The following COL22A1 variants were observed in gnomAD, a reference collection of about 807,000 sequenced individuals.
The protein encoded by COL22A1 is collagen alpha-1(XXII) chain.
COL22A1 carries 221 observed loss-of-function variants against 248.9 expected under a neutral mutation model. That is an observed-to-expected ratio of 0.89 (90% CI 0.80 to 0.99). The LOEUF (loss-of-function observed/expected upper bound fraction) is 0.99, where lower values mean the gene tolerates loss of function less well. Among genes scored for constraint, COL22A1 ranks in the 50% least tolerant of loss-of-function variants. COL22A1 has a pLI of 0.00. For missense variants in COL22A1, 2,240 were observed against 2,179.0 expected, an observed-to-expected ratio of 1.03 and a Z score of -0.56; for synonymous variants, 891 against 793.4, an observed-to-expected ratio of 1.12 and a Z score of -2.07.
chr8:138,664,944 T>C (rs778190107), intron 41 of COL22A1, among the ~76,000 whole-genome samples: 2 of 152,000 alleles, frequency 1.3e-5, no homozygotes, highest in Non-Finnish European at 2.9e-5. Flanking sequence ...CTGCCCTCAG[T>C]CCAGTGCGCT....
At chr8:138,891,423 C>A (rs548129827) in intron 1 of COL22A1, among the ~76,000 whole-genome samples, 1 of 152,184 alleles carries the variant, frequency 6.6e-6, no homozygotes, top group Non-Finnish European at 1.5e-5. Flanking sequence ...ATCTGAAGGG[C>A]GCCAAAGCCC....
At chr8:138,661,631 A>C (rs1251646898) in intron 43 of COL22A1, among the ~76,000 whole-genome samples, 1 of 152,196 alleles carries the variant, frequency 6.6e-6, no homozygotes, top group Non-Finnish European at 1.5e-5. Flanking sequence ...AATGAGCATG[A>C]CATACATCTG....
chr8:138,656,657 AGGAAAAT>A (rs1322587813), intron 44 of COL22A1, among the ~76,000 whole-genome samples: 24 of 152,322 alleles, frequency 1.6e-4, no homozygotes, highest in African/African-American at 5.8e-4. Context: ...AAGGCTAGGA[AGGAAAAT>A]GGAAATTAAA....
At chr8:138,761,869 C>T (rs538646993) in intron 17 of COL22A1, among the ~76,000 whole-genome samples, 6 of 152,192 alleles carry the variant, frequency 3.9e-5, no homozygotes, top group Admixed American at 1.3e-4. Context: ...CTTCTTCTAG[C>T]GACGGTCTTT....
Position 138,589,248 on chromosome 8 carries a change from G to A in COL22A1, c.*5C>T, listed in dbSNP as rs1475475706. ...CACTGCAGTCTTCTGGCTTTCCAGA[G>A]TCCTTTAGGGACCCTTCACATTACC... On this transcript the variant is annotated 3_prime_UTR_variant, in exon 65 of 65. Coordinates refer to ENST00000303045, the MANE Select transcript of COL22A1 (RefSeq NM_152888.3). 3 of 1,612,710 alleles carry A rather than the reference G, an allele frequency of 1.9e-6. No homozygotes were observed. The highest frequency in any genetic ancestry group is 3.3e-4 in the Middle Eastern group (2 of 6,054).
chr8:138,646,501 AC>A, intron 47 of COL22A1, 127 bp downstream of exon 47: 1 of 642,912 alleles, frequency 1.6e-6, no homozygotes, highest in Non-Finnish European at 2.5e-6. Context: ...CCATGCTTAG[AC>A]CCAGAACAGG....
intron 41 of COL22A1, among the ~76,000 whole-genome samples, chr8:138,666,346 G>T (rs1203304305): frequency 6.6e-6 from 1 of 152,198 alleles, no homozygotes; most frequent in African/African-American, 2.4e-5. Flanking sequence ...TATGCCAGGA[G>T]TGGTCCTATC....
In COL22A1 at chr8:138,749,580, C is replaced by T. The variant is rs141853629; in HGVS notation, c.2085+1878G>A. On this transcript the variant is annotated intron_variant, in intron 22 of 64. Coordinates refer to ENST00000303045, the MANE Select transcript of COL22A1 (RefSeq NM_152888.3). ...AGCCATGTCAGCTGTCACATCATGC[C>T]GCCCAACCAGGGCCAAGTCCCTTGC... Among the ~76,000 whole-genome samples the T allele has an allele frequency of 4.3e-3, 655 of 152,316 alleles. 4 individuals are homozygous for T. Among genetic ancestry groups the T allele is most frequent in the South Asian group, 0.025 (120 of 4,824 alleles).
chr8:138,748,359 A>AT (rs1438598121), intron 22 of COL22A1, among the ~76,000 whole-genome samples: 1 of 152,198 alleles, frequency 6.6e-6, no homozygotes, highest in East Asian at 1.9e-4. Context: ...ATCCCAAAGC[A>AT]TTTAGCAGAG....
intron 5 of COL22A1, among the ~76,000 whole-genome samples, chr8:138,828,475 G>C (rs1005317979): frequency 3.3e-5 from 5 of 152,208 alleles, no homozygotes; most frequent in East Asian, 3.9e-4. Context: ...TCAAAATAAA[G>C]TTTAGCTTAC....
In COL22A1 at chr8:138,619,507, C is replaced by A. The variant is rs746066911; in HGVS notation, c.3773G>T (p.Gly1258Val). The part of the protein sequence containing the change: ...DGKPGPPGEP[G>V]KAGEPGLPGP... Reference sequence around the variant, plus strand: ...TGGTAGACCTGGCTCTCCTGCTTTGCCCTGAGAGTAAGGAAGAAAAGAAGA... The same window carrying A: ...TGGTAGACCTGGCTCTCCTGCTTTGACCTGAGAGTAAGGAAGAAAAGAAGA... The change falls in exon 53 of 65, where the codon GGC becomes GTC. Residue 1258 changes from glycine to valine, a missense_variant and splice_region_variant. Physicochemically the swap from Gly to Val is moderately radical, Grantham distance 109. Coordinates refer to ENST00000303045, the MANE Select transcript of COL22A1 (RefSeq NM_152888.3). 1 of 1,613,934 alleles carries A rather than the reference C, an allele frequency of 6.2e-7. No individual in the cohort carries two copies. Among genetic ancestry groups the A allele is most frequent in the East Asian group, 2.2e-5 (1 of 44,864 alleles).
chr8:138,740,233 G>A (rs1361332631), intron 22 of COL22A1, among the ~76,000 whole-genome samples: 1 of 152,212 alleles, frequency 6.6e-6, no homozygotes, highest in South Asian at 2.1e-4. Flanking sequence ...ATAATCATCG[G>A]AAGTTAGAAT....
At chr8:138,738,119 G>A (rs1026216865) in intron 22 of COL22A1, among the ~76,000 whole-genome samples, 1 of 152,098 alleles carries the variant, frequency 6.6e-6, no homozygotes, top group African/African-American at 2.4e-5. Flanking sequence ...AGAGTTGCTG[G>A]TATCCTTTAT....
At chr8:138,818,401 G>A (rs1818849934) in intron 7 of COL22A1, among the ~76,000 whole-genome samples, 1 of 152,198 alleles carries the variant, frequency 6.6e-6, no homozygotes, top group South Asian at 2.1e-4. Flanking sequence ...GATTAAGAAG[G>A]GTTGTGTTTG....
chr8:138,749,061 T>C (rs1410451248), intron 22 of COL22A1, among the ~76,000 whole-genome samples: 2 of 152,176 alleles, frequency 1.3e-5, no homozygotes, highest in Admixed American at 1.3e-4. Context: ...CATTCTCTCC[T>C]TGCCTGCTGC....
At chr8:138,636,138 C>T (rs780118270) in intron 48 of COL22A1, among the ~76,000 whole-genome samples, 4 of 151,986 alleles carry the variant, frequency 2.6e-5, no homozygotes, top group Non-Finnish European at 4.4e-5. Context: ...CAGTCATTTC[C>T]GTTGGCAGGA....
In COL22A1 at chr8:138,722,052, C is replaced by T; in HGVS notation, c.2285G>A (p.Gly762Asp). The change falls in exon 26 of 65, where the codon GGT (glycine) becomes GAT (aspartate). Residue 762 changes from glycine (G) to aspartate (D), a missense_variant. Physicochemically the swap from Gly to Asp is moderately conservative, Grantham distance 94. Coordinates refer to ENST00000303045, the MANE Select transcript of COL22A1 (RefSeq NM_152888.3). ...GTGACCAACCTTGGTTCCTGGCGGA[C>T]CTGGTGGTCCATTTGGCCCGTCCTT... ...PGKDGPNGPP[G>D]PPGTKGEPGE... The T allele has an allele frequency of 6.3e-7, 1 of 1,580,324 alleles. No homozygotes were observed. Among genetic ancestry groups the T allele is most frequent in the Non-Finnish European group, 8.6e-7 (1 of 1,161,064 alleles).
In COL22A1 at chr8:138,594,126, T is replaced by C; in HGVS notation, c.4506A>G (p.Pro1502=). 1 of 1,577,416 alleles carries C rather than the reference T, an allele frequency of 6.3e-7. No individual in the cohort carries two copies. The highest frequency in any genetic ancestry group is 8.6e-7 in the Non-Finnish European group (1 of 1,168,698). Residue 1502 remains proline (P), a synonymous_variant, in exon 63 of 65, where the codon CCA becomes CCG. Transcript: ENST00000303045. ...MKSSQGRPGP[P]GPPGKDGLPG... ...GAAGCCCATCTTTTCCAGGGGGCCCTGGGGGCCCAGGTCTGCCTTGAGATG... is the reference window on the plus strand; with the variant it reads ...GAAGCCCATCTTTTCCAGGGGGCCCCGGGGGCCCAGGTCTGCCTTGAGATG...
At position 138,716,360 on chromosome 8, in the gene COL22A1, C is replaced by T; in HGVS notation, c.2401-71G>A. 4.9e-6 allele frequency: 5 copies of T among 1,027,464 alleles called. No homozygotes were observed. The Admixed American group carries it at 1.2e-4, about 24-fold the overall frequency. 63.6% of individuals were successfully genotyped at this position (1,027,464 alleles called of 1,614,324 possible). On this transcript the variant is annotated intron_variant, in intron 28 of 64. Coordinates refer to ENST00000303045, the MANE Select transcript of COL22A1 (RefSeq NM_152888.3). ...CAGGGGCCAAGCTGCAGGCCATGTG[C>T]TCTCAGTTCCTGCTCTCCAGGAACT...
Sources: gnomAD v4.1 joint callset for allele counts (sites outside exome capture counted in the v4.1 genomes callset) on GRCh38, gnomAD v4.1.1 for gene constraint, MANE v1.5 for transcripts, NCBI Gene and HGNC (gene_info 2026-07-23, HGNC 2026-07-21) for gene names.